The following ERBB4 variants were observed in gnomAD, a reference collection of about 807,000 sequenced individuals.
ERBB4 encodes the protein erb-b2 receptor tyrosine kinase 4.
In ERBB4, 42 loss-of-function variants were observed where a neutral mutation model predicts 158.0. The observed-to-expected ratio is 0.27, with a 90% CI of 0.21 to 0.34. The LOEUF is 0.34. ERBB4 is among the 10% of genes least tolerant of loss of function. The probability of loss-of-function intolerance (pLI) is 1.00; values close to 1 mark genes in which losing one functional copy is unlikely to be tolerated. For missense variants in ERBB4, 1,333 were observed against 1,624.1 expected (o/e 0.82, Z 3.08); for synonymous variants, 583 against 558.7 (o/e 1.04, Z -0.61).
chr2:211,938,056 C>A (rs905014063), intron 3 of ERBB4, among the ~76,000 whole-genome samples: 22 of 152,048 alleles, frequency 1.4e-4, no homozygotes, highest in Non-Finnish European at 2.2e-4. Flanking sequence ...AGGCCCAAAT[C>A]AAAAATGACA....
chr2:211,691,602 G>GTA (rs796180189), intron 12 of ERBB4, among the ~76,000 whole-genome samples: 5,096 of 145,352 alleles, frequency 0.035, 285 homozygotes, highest in African/African-American at 0.12. Context: ...GTGTGTGTGT[G>GTA]TATATATATA....
chr2:212,097,298 T>A (rs1336300926), intron 2 of ERBB4, among the ~76,000 whole-genome samples: 1 of 151,968 alleles, frequency 6.6e-6, no homozygotes, highest in Non-Finnish European at 1.5e-5. Flanking sequence ...ATAGTGTACT[T>A]TTATGAGGAG....
At chr2:211,572,297 T>C (rs1370011542) in intron 19 of ERBB4, among the ~76,000 whole-genome samples, 1 of 152,126 alleles carries the variant, frequency 6.6e-6, no homozygotes, top group Non-Finnish European at 1.5e-5. Context: ...ATTGTGAAAA[T>C]TGCAATAAAT....
chr2:211,624,214 G>A (rs1036857203), intron 17 of ERBB4, among the ~76,000 whole-genome samples, 170 bp from the exon 18 acceptor site: 1 of 151,964 alleles, frequency 6.6e-6, no homozygotes, highest in African/African-American at 2.4e-5. Context: ...ACCATTCACT[G>A]ACACATTTAT....
intron 3 of ERBB4, among the ~76,000 whole-genome samples, chr2:211,862,602 T>C: frequency 6.6e-6 from 1 of 152,064 alleles, no homozygotes; most frequent in South Asian, 2.1e-4. Context: ...TTTTGTGAAA[T>C]AAAAAAGGAA....
At chr2:211,914,356 C>A (rs72933751) in intron 3 of ERBB4, among the ~76,000 whole-genome samples, 10,710 of 151,796 alleles carry the variant, frequency 0.071, 475 homozygotes, top group Non-Finnish European at 0.088. Context: ...ATCAGAGCTA[C>A]AACTTATGTT....
At chr2:212,301,481 T>G (rs777338927) in intron 1 of ERBB4, among the ~76,000 whole-genome samples, 1 of 151,586 alleles carries the variant, frequency 6.6e-6, no homozygotes, top group East Asian at 2.0e-4. Flanking sequence ...ATCTGTGTTA[T>G]ATCATGTGAC....
In ERBB4 at chr2:211,736,671, C is replaced by T. The variant is rs964365861; in HGVS notation, c.623-11477G>A. On this transcript the variant is annotated intron_variant, in intron 5 of 27. Transcript: ENST00000342788. ...GGATATGGAAAATCACTGCACAATACAGCCTGCCATAATGCCTTATCTTCA... is the reference window on the plus strand; with the variant it reads ...GGATATGGAAAATCACTGCACAATATAGCCTGCCATAATGCCTTATCTTCA... Among the ~76,000 whole-genome samples, 7 of 152,214 alleles carry T rather than the reference C, an allele frequency of 4.6e-5. No individual in the cohort carries two copies. The East Asian group carries it at 1.4e-3, about 29-fold the overall frequency.
At position 211,763,550 on chromosome 2, in the gene ERBB4, C is replaced by T. The variant is rs919623330; in HGVS notation, c.557-12846G>A. 1.2e-4 allele frequency among the ~76,000 whole-genome samples: 18 copies of T among 152,042 alleles called. 1 individual carries two copies. Among genetic ancestry groups the T allele is most frequent in the Admixed American group, 3.3e-4 (5 of 15,258 alleles). Reference sequence around the variant, plus strand: ...TAGTGCTAACACAGCTTCTTCAACCCTGAGTACATTTTGAAAGGTCTTATA... The same window carrying T: ...TAGTGCTAACACAGCTTCTTCAACCTTGAGTACATTTTGAAAGGTCTTATA... On this transcript the variant is annotated intron_variant, in intron 4 of 27. Coordinates refer to ENST00000342788, the MANE Select transcript of ERBB4 (RefSeq NM_005235.3).
chr2:211,537,855 C>A (rs563617033), intron 20 of ERBB4, among the ~76,000 whole-genome samples: 56 of 151,900 alleles, frequency 3.7e-4, no homozygotes, highest in African/African-American at 1.3e-3. Flanking sequence ...AAGAAACTTC[C>A]GTATAAATTT....
At position 212,490,863 on chromosome 2, in the gene ERBB4, A is replaced by G. The variant is rs1469658353; in HGVS notation, c.82+47586T>C. On this transcript the variant is annotated intron_variant, in intron 1 of 27. Coordinates refer to ENST00000342788, the MANE Select transcript of ERBB4 (RefSeq NM_005235.3). ...GTAAATGGCTTTAAGGCCTCCACAA[A>G]CTAAATAAGCCTCTACTACAGTTTT... Among the ~76,000 whole-genome samples, 50 of 151,844 alleles carry G rather than the reference A, an allele frequency of 3.3e-4. 1 individual carries two copies. The highest frequency in any genetic ancestry group is 8.9e-5 in the Non-Finnish European group (6 of 67,716).
intron 20 of ERBB4, among the ~76,000 whole-genome samples, chr2:211,451,651 T>A (rs138358550): frequency 7.2e-4 from 110 of 152,208 alleles, no homozygotes; most frequent in Middle Eastern, 3.4e-3. Context: ...CCCTAGCATA[T>A]GAGCTAAGCT....
intron 1 of ERBB4, among the ~76,000 whole-genome samples, chr2:212,256,820 A>C (rs2084756519): frequency 1.3e-5 from 2 of 152,184 alleles, no homozygotes; most frequent in Admixed American, 1.3e-4. Context: ...TTCCCAGATA[A>C]AATATTTTTC....
rs75114997 is a variant in ERBB4, at chr2:212,485,437, T to A, written c.82+53012A>T. The stretch of plus-strand genomic sequence containing the variant: ...AATGTCAGGCCTAATGTATCCTTTG[T>A]TCTTAGCACACAAGAGAAGGCTGAA... On this transcript the variant is annotated intron_variant, in intron 1 of 27. Transcript: ENST00000342788. Among the ~76,000 whole-genome samples, 1,173 of 152,302 alleles carry A rather than the reference T, an allele frequency of 7.7e-3. 16 individuals are homozygous for A. Among genetic ancestry groups the A allele is most frequent in the African/African-American group, 0.027 (1,126 of 41,558 alleles).
intron 2 of ERBB4, among the ~76,000 whole-genome samples, chr2:211,983,571 T>C (rs1258532014): frequency 6.6e-6 from 1 of 152,136 alleles, no homozygotes; most frequent in Non-Finnish European, 1.5e-5. Flanking sequence ...TAAAAGCATA[T>C]CCTGAAGATA....
chr2:212,208,317 A>G (rs773003543), intron 1 of ERBB4, among the ~76,000 whole-genome samples: 1 of 152,150 alleles, frequency 6.6e-6, no homozygotes. Context: ...AGCTTTCCAC[A>G]TGCCCATAAA....
rs1217744515 is a variant in ERBB4 at position 211,751,475 on chromosome 2, T to C, written c.557-771A>G. On this transcript the variant is annotated intron_variant, in intron 4 of 27. Transcript: ENST00000342788. ...TAGATTCACTCTAAATTTCTGTGGGTACATGACACATTTTTAGAATAAAAT... is the reference window on the plus strand; with the variant it reads ...TAGATTCACTCTAAATTTCTGTGGGCACATGACACATTTTTAGAATAAAAT... Among the ~76,000 whole-genome samples, 3 of 152,164 alleles carry C rather than the reference T, an allele frequency of 2.0e-5. No individual in the cohort carries two copies. In the South Asian group the frequency reaches 6.2e-4, roughly 31 times the overall value.
At chr2:212,108,968 A>G (rs1160527020) in intron 2 of ERBB4, among the ~76,000 whole-genome samples, 2 of 152,046 alleles carry the variant, frequency 1.3e-5, no homozygotes, top group African/African-American at 4.8e-5. Flanking sequence ...AGTAGGAGGG[A>G]TGTGAGAATT....
At chr2:212,284,483 A>G (rs566766429) in intron 1 of ERBB4, among the ~76,000 whole-genome samples, 168 of 152,238 alleles carry the variant, frequency 1.1e-3, no homozygotes, top group Non-Finnish European at 1.5e-3. Context: ...CTATTAGACT[A>G]TGGCATATAA....
Sources: allele counts gnomAD v4.1 joint callset (sites outside exome capture counted in the v4.1 genomes callset), GRCh38; gene constraint gnomAD v4.1.1; transcripts MANE v1.5; gene names NCBI Gene and HGNC (gene_info 2026-07-23, HGNC 2026-07-21).